DGKI: variants seen among roughly 807,000 people sequenced by gnomAD.
The protein encoded by DGKI is DAG kinase iota.
Under a neutral mutation model 147.5 loss-of-function variants are expected in DGKI, and 55 were observed. The observed-to-expected ratio is 0.37, with a 90% CI of 0.30 to 0.47. DGKI has a LOEUF of 0.47. Ranked by LOEUF, DGKI falls within the 20% of genes least tolerant of loss-of-function variation. The pLI is 1.00. For missense variants in DGKI, 1,007 were observed against 1,323.8 expected (o/e 0.76, Z 3.71); for synonymous variants, 469 against 477.1 (o/e 0.98, Z 0.22).
At chr7:137,448,407 G>A (rs1340894268) in intron 27 of DGKI, among the ~76,000 whole-genome samples, 1 of 150,102 alleles carries the variant, frequency 6.7e-6, no homozygotes, top group Non-Finnish European at 1.5e-5. Flanking sequence ...ACAAAACACA[G>A]GCAAAGAACA....
intron 20 of DGKI, among the ~76,000 whole-genome samples, chr7:137,535,705 C>T (rs834069): frequency 0.087 from 13,224 of 152,092 alleles, 1,204 homozygotes; most frequent in African/African-American, 0.22. Context: ...AAATAATTCA[C>T]CTCTAAAAAT....
intron 12 of DGKI, among the ~76,000 whole-genome samples, chr7:137,589,388 A>C (rs1819529066): frequency 1.3e-5 from 2 of 152,228 alleles, no homozygotes; most frequent in Non-Finnish European, 2.9e-5. Flanking sequence ...GTAACTAAAA[A>C]TCCAGACCTA....
At chr7:137,454,580 G>A (rs1265047569) in intron 27 of DGKI, among the ~76,000 whole-genome samples, 5 of 151,956 alleles carry the variant, frequency 3.3e-5, no homozygotes, top group Admixed American at 6.6e-5. Context: ...GCATTCTGTA[G>A]ACAAAATGAA....
chr7:137,594,016 C>T (rs575371977), intron 12 of DGKI, among the ~76,000 whole-genome samples: 1 of 152,246 alleles, frequency 6.6e-6, no homozygotes, highest in East Asian at 1.9e-4. Context: ...CTTCCAAGTG[C>T]ATTATTGGGG....
At chr7:137,596,037 A>C (rs1444662746) in intron 12 of DGKI, among the ~76,000 whole-genome samples, 2 of 147,044 alleles carry the variant, frequency 1.4e-5, no homozygotes, top group African/African-American at 2.5e-5. Context: ...AAAAAAAGAA[A>C]GAAAGAAAAG....
intron 2 of DGKI, among the ~76,000 whole-genome samples, chr7:137,685,160 G>C (rs146392982): frequency 6.6e-6 from 1 of 152,258 alleles, no homozygotes; most frequent in Non-Finnish European, 1.5e-5. Flanking sequence ...TCAACTAAAG[G>C]AAAGGAAAGG....
intron 10 of DGKI, among the ~76,000 whole-genome samples, chr7:137,606,902 T>A (rs1412477878): frequency 6.6e-6 from 1 of 152,184 alleles, no homozygotes; most frequent in Non-Finnish European, 1.5e-5. Flanking sequence ...ATGTGCCGTG[T>A]TCTAGAAATC....
intron 1 of DGKI, among the ~76,000 whole-genome samples, chr7:137,783,855 G>A (rs2116898662): frequency 6.6e-6 from 1 of 152,298 alleles, no homozygotes; most frequent in East Asian, 1.9e-4. Flanking sequence ...TACCAGCCAA[G>A]AATTTTGTAT....
In DGKI at chr7:137,473,361, G is replaced by T. The variant is rs1302123090; in HGVS notation, c.2374-3742C>A. Among the ~76,000 whole-genome samples the T allele has an allele frequency of 2.6e-5, 4 of 152,008 alleles. No homozygotes were observed. The East Asian group carries it at 7.7e-4, about 29-fold the overall frequency. On this transcript the variant is annotated intron_variant, in intron 23 of 32. Transcript: ENST00000614521. ...ATAAAGCTCTTTAAAATACTTTAAT[G>T]GGTCCTCAAATAGGTTCAACAATTC... is the stretch of plus-strand genomic sequence containing the variant.
chr7:137,496,681 T>C (rs546078099), intron 21 of DGKI, among the ~76,000 whole-genome samples: 15 of 151,946 alleles, frequency 9.9e-5, no homozygotes, highest in African/African-American at 3.4e-4. Flanking sequence ...ACAAAGTCGA[T>C]AAAAACAAGT....
At chr7:137,535,216 T>G (rs1817476219) in intron 20 of DGKI, among the ~76,000 whole-genome samples, 1 of 152,144 alleles carries the variant, frequency 6.6e-6, no homozygotes, top group African/African-American at 2.4e-5. Flanking sequence ...ACAACTAGTG[T>G]TTATAAAAAG....
At chr7:137,695,928 A>G (rs1823765328) in intron 1 of DGKI, among the ~76,000 whole-genome samples, 1 of 152,158 alleles carries the variant, frequency 6.6e-6, no homozygotes, top group African/African-American at 2.4e-5. Flanking sequence ...GTTTCCTTAT[A>G]CGTAAAATAA....
intron 3 of DGKI, among the ~76,000 whole-genome samples, chr7:137,659,661 A>G (rs192522004): frequency 1.3e-3 from 198 of 152,364 alleles, no homozygotes; most frequent in Admixed American, 2.4e-3. Context: ...GGCCGGGAGC[A>G]GTGGCTCATG....
chr7:137,625,026 C>G (rs1287789074), intron 6 of DGKI, among the ~76,000 whole-genome samples: 2 of 152,238 alleles, frequency 1.3e-5, no homozygotes, highest in African/African-American at 4.8e-5. Context: ...TGAACTACCA[C>G]TTCCAGAGAC....
At chr7:137,817,278 A>G (rs1797767736) in intron 1 of DGKI, among the ~76,000 whole-genome samples, 1 of 152,214 alleles carries the variant, frequency 6.6e-6, no homozygotes, top group South Asian at 2.1e-4. Context: ...CTCATTGTCT[A>G]ATTCATTTGT....
intron 10 of DGKI, among the ~76,000 whole-genome samples, chr7:137,603,861 C>G (rs561401270): frequency 6.6e-6 from 1 of 152,056 alleles, no homozygotes; most frequent in Non-Finnish European, 1.5e-5. Flanking sequence ...CAGGGAGTTG[C>G]GAGAGAGGAG....
intron 1 of DGKI, among the ~76,000 whole-genome samples, chr7:137,690,566 C>T (rs546756657): frequency 5.3e-5 from 8 of 152,324 alleles, no homozygotes; most frequent in Non-Finnish European, 1.0e-4. Flanking sequence ...GAAAAGACTG[C>T]TTTGCATCTG....
intron 23 of DGKI, among the ~76,000 whole-genome samples, chr7:137,473,259 T>C (rs1012773955): frequency 6.6e-6 from 1 of 152,178 alleles, no homozygotes; most frequent in Non-Finnish European, 1.5e-5. Flanking sequence ...AAACATCTGA[T>C]ATAACTCAAT....
rs139447433 is a variant in DGKI at position 137,431,989 on chromosome 7, T to C, written c.2761+12088A>G. On this transcript the variant is annotated intron_variant, in intron 28 of 32. Transcript: ENST00000614521. ...AGGTGATTGGATCATGGGTGTGGAT[T>C]TCCCCTGCGGTGTTCTCACGATAGT... Among the ~76,000 whole-genome samples, 53 of 152,322 alleles carry C rather than the reference T, an allele frequency of 3.5e-4. 1 individual carries two copies. The East Asian group carries it at 8.9e-3, about 26-fold the overall frequency.
Sources: gnomAD v4.1 joint callset for allele counts (sites outside exome capture counted in the v4.1 genomes callset) on GRCh38, gnomAD v4.1.1 for gene constraint, MANE v1.5 for transcripts, NCBI Gene and HGNC (gene_info 2026-07-23, HGNC 2026-07-21) for gene names.